Variants in GXYLT1 observed in about 807,000 individuals in gnomAD.
GXYLT1 encodes glycosyltransferase 8 domain containing 3.
A neutral mutation model predicts 54.0 loss-of-function variants in GXYLT1; 29 were observed. The observed-to-expected ratio is 0.54, with a 90% CI of 0.40 to 0.73. The LOEUF is 0.73. Ranked by LOEUF, GXYLT1 falls within the 30% of genes least tolerant of loss-of-function variation. The pLI is 0.00. For synonymous variants in GXYLT1, 176 were observed against 204.1 expected, an observed-to-expected ratio of 0.86 and a Z score of 1.17; for missense variants, 490 against 553.4, an observed-to-expected ratio of 0.89 and a Z score of 1.15.
rs147779430 is a variant in GXYLT1 at position 42,124,041 on chromosome 12, T to TA, written c.315-4871dup. 5.6e-3 allele frequency among the ~76,000 whole-genome samples: 815 copies of TA among 144,892 alleles called. 30 individuals are homozygous for TA. In the East Asian group the frequency reaches 0.08, roughly 14 times the overall value. ...TAAAACACTTTCAAAACAAAATACT[T>TA]AAAAAAAAAAGCTAGGATTTTTATA... is the stretch of plus-strand genomic sequence containing the variant. On this transcript the variant is annotated intron_variant, in intron 2 of 7. Transcript: ENST00000398675.
At position 42,105,986 on chromosome 12, in the gene GXYLT1, TA is replaced by T; in HGVS notation, c.695del (p.Leu232TyrfsTer2). ...TTTGTGTGGAATTAAATTTCTTTAGTAAAGACCAAATATCATCAACTGGTCG... is the reference window on the plus strand; with the variant it reads ...TTTGTGTGGAATTAAATTTCTTTAGTAAGACCAAATATCATCAACTGGTCG... ...FLRPVDDIWS[L>X]LKKFNSTQIA... is the part of the protein sequence containing the mutation. On this transcript the variant is annotated frameshift_variant, in exon 5 of 8. Coordinates refer to ENST00000398675, the MANE Select transcript of GXYLT1 (RefSeq NM_173601.2). LOFTEE classifies it high-confidence loss of function. The T allele has an allele frequency of 6.2e-7, 1 of 1,613,800 alleles. No individual in the cohort carries two copies. Among genetic ancestry groups the T allele is most frequent in the Non-Finnish European group, 8.5e-7 (1 of 1,179,710 alleles).
chr12:42,142,092 A>G (rs1299327401), intron 1 of GXYLT1, among the ~76,000 whole-genome samples: 1 of 152,244 alleles, frequency 6.6e-6, no homozygotes, highest in South Asian at 2.1e-4. Context: ...CAAAAATGCA[A>G]TAATACCTAA....
intron 1 of GXYLT1, among the ~76,000 whole-genome samples, chr12:42,138,257 C>T (rs1263603292): frequency 1.3e-5 from 2 of 151,916 alleles, no homozygotes; most frequent in Non-Finnish European, 1.5e-5. Context: ...ACAGAGACTG[C>T]GTCTGGGTGA....
rs1229662477 is a variant in GXYLT1 at position 42,083,070 on chromosome 12, C to A, written c.*4716G>T. 6.6e-6 allele frequency: 1 copy of A among 152,052 alleles called. No homozygotes were observed. The highest frequency in any genetic ancestry group is 2.4e-5 in the African/African-American group (1 of 41,400). 9.4% of individuals were successfully genotyped at this position (152,052 alleles called of 1,614,324 possible). On this transcript the variant is annotated 3_prime_UTR_variant, in exon 8 of 8. Coordinates refer to ENST00000398675, the MANE Select transcript of GXYLT1 (RefSeq NM_173601.2). Reference sequence around the variant, plus strand: ...GAAATGAGGTGATAATAAATATTTTCTATTTAAGTCTGACATTGATTTGCA... The same window carrying A: ...GAAATGAGGTGATAATAAATATTTTATATTTAAGTCTGACATTGATTTGCA...
At chr12:42,110,602 T>A (rs549065685) in intron 3 of GXYLT1, among the ~76,000 whole-genome samples, 3 of 152,330 alleles carry the variant, frequency 2.0e-5, no homozygotes, top group African/African-American at 7.2e-5. Context: ...TGGGCTGAAG[T>A]GCAGTAACAT....
At chr12:42,104,417 A>C (rs2065407900) in intron 5 of GXYLT1, among the ~76,000 whole-genome samples, 2 of 152,312 alleles carry the variant, frequency 1.3e-5, no homozygotes, top group Non-Finnish European at 2.9e-5. Flanking sequence ...ACAGAATAAC[A>C]AACTTGGTAA....
chr12:42,120,842 G>A (rs1186250205), intron 2 of GXYLT1, among the ~76,000 whole-genome samples: 1 of 150,468 alleles, frequency 6.6e-6, no homozygotes, highest in Non-Finnish European at 1.5e-5. Context: ...GGCCAGTTTG[G>A]GTCTTTTTAA....
In GXYLT1 at chr12:42,087,331, A is replaced by T. The variant is rs1014316942; in HGVS notation, c.*455T>A. ...CATCAGTTACATCACATTTCTTCAG[A>T]AACAACAGACCTGTTTCTGCTCCTG... On this transcript the variant is annotated 3_prime_UTR_variant, in exon 8 of 8. Transcript: ENST00000398675. 1 of 143,120 alleles carries T rather than the reference A, an allele frequency of 7.0e-6. No individual in the cohort carries two copies. The highest frequency in any genetic ancestry group is 1.5e-5 in the Non-Finnish European group (1 of 64,978). The allele number at this position is 143,120 out of a possible 1,614,324, so 8.9% of individuals were successfully genotyped here.
chr12:42,084,274 CCTTT>C lies in GXYLT1; in HGVS notation c.*3508_*3511del, dbSNP rs1292976705. The C allele has an allele frequency of 9.2e-5, 14 of 152,426 alleles. No individual in the cohort carries two copies. Among genetic ancestry groups the C allele is most frequent in the Admixed American group, 9.2e-4 (14 of 15,288 alleles). The allele number at this position is 152,426 out of a possible 1,614,324, so 9.4% of individuals were successfully genotyped here. A position where few individuals can be genotyped will look rare whatever the true frequency, so the allele number is the denominator to read the frequency against. On this transcript the variant is annotated 3_prime_UTR_variant, in exon 8 of 8. Transcript: ENST00000398675. ...GCCCTTTGCCATCCCCATTCTTACT[CCTTT>C]CTCTTTCCTCACCCCTTTTCTCACT... is the stretch of plus-strand genomic sequence containing the variant.
rs2065441917 is a variant in GXYLT1, at chr12:42,109,776, A to G, written c.487-85T>C. 5 of 864,680 alleles carry G rather than the reference A, an allele frequency of 5.8e-6. No homozygotes were observed. The Middle Eastern group carries it at 6.9e-4, about 119-fold the overall frequency. 53.6% of individuals were successfully genotyped at this position (864,680 alleles called of 1,614,324 possible). On this transcript the variant is annotated intron_variant, in intron 3 of 7. Coordinates refer to ENST00000398675, the MANE Select transcript of GXYLT1 (RefSeq NM_173601.2). ...AAAACAACAGATTATAAAACAAAAG[A>G]GCTAAAAATTAAGATAATATACATT...
Position 42,137,173 on chromosome 12 carries a change from G to A in GXYLT1, c.221+7253C>T, listed in dbSNP as rs143835692. Among the ~76,000 whole-genome samples, 58 of 152,270 alleles carry A rather than the reference G, an allele frequency of 3.8e-4. 2 individuals carry two copies. Among genetic ancestry groups the A allele is most frequent in the African/African-American group, 1.4e-3 (58 of 41,548 alleles). On this transcript the variant is annotated intron_variant, in intron 1 of 7. Coordinates refer to ENST00000398675, the MANE Select transcript of GXYLT1 (RefSeq NM_173601.2). ...ACTTACCAAAGAGTCAGTGATACGAGATGAGCCTGACCAACATGGTGAAAC... is the reference window on the plus strand; with the variant it reads ...ACTTACCAAAGAGTCAGTGATACGAAATGAGCCTGACCAACATGGTGAAAC...
At chr12:42,096,714 G>A (rs977011559) in intron 7 of GXYLT1, among the ~76,000 whole-genome samples, 48 of 152,142 alleles carry the variant, frequency 3.2e-4, no homozygotes, top group Non-Finnish European at 1.2e-4. Flanking sequence ...ATTTTAATGA[G>A]AAGCAGAATG....
intron 5 of GXYLT1, among the ~76,000 whole-genome samples, chr12:42,102,209 C>T (rs764743803): frequency 6.6e-6 from 1 of 152,110 alleles, no homozygotes; most frequent in Admixed American, 6.5e-5. Flanking sequence ...AAAATTAAAG[C>T]GCATTCACAT....
At chr12:42,092,317 A>G (rs2065333518) in intron 7 of GXYLT1, among the ~76,000 whole-genome samples, 4 of 152,246 alleles carry the variant, frequency 2.6e-5, no homozygotes, top group South Asian at 2.1e-4. Flanking sequence ...ACAGTGTAGT[A>G]GAACAGACAG....
chr12:42,105,854 C>T lies in GXYLT1; in HGVS notation c.828G>A (p.Leu276=). Residue 276 remains leucine, a synonymous_variant, in exon 5 of 8, where the codon TTG becomes TTA. Transcript: ENST00000398675. ...TCCTTCTCATTCGAGTCATGTTCAT[C>T]AACATAACTCCAGAGTTTACTCCAG... ...GKTGVNSGVM[L]MNMTRMRRKY... The T allele has an allele frequency of 6.2e-7, 1 of 1,612,114 alleles. No homozygotes were observed. Among genetic ancestry groups the T allele is most frequent in the Non-Finnish European group, 8.5e-7 (1 of 1,178,486 alleles).
intron 7 of GXYLT1, among the ~76,000 whole-genome samples, chr12:42,092,664 GC>G (rs1177915216): frequency 6.6e-6 from 1 of 152,040 alleles, no homozygotes; most frequent in East Asian, 1.9e-4. Flanking sequence ...TAAAGCAAAT[GC>G]TTAAAAGACA....
chr12:42,119,340 A>G (rs528771386), intron 2 of GXYLT1, among the ~76,000 whole-genome samples, 169 bp from the exon 3 acceptor site: 1 of 152,282 alleles, frequency 6.6e-6, no homozygotes, highest in Admixed American at 6.5e-5. Flanking sequence ...CAAGAGTTCA[A>G]TGCTGCAGTA....
At chr12:42,104,440 G>A (rs952055609) in intron 5 of GXYLT1, among the ~76,000 whole-genome samples, 2 of 151,878 alleles carry the variant, frequency 1.3e-5, no homozygotes, top group African/African-American at 4.8e-5. Flanking sequence ...AAAGAGAGAT[G>A]TTCTCTGTTA....
chr12:42,116,902 G>C (rs2065499059), intron 3 of GXYLT1, among the ~76,000 whole-genome samples: 2 of 152,094 alleles, frequency 1.3e-5, no homozygotes, highest in African/African-American at 4.8e-5. Context: ...TGATAGACTG[G>C]ATTAAGAAAA....
Sources: gnomAD v4.1 joint callset for allele counts (sites outside exome capture counted in the v4.1 genomes callset) on GRCh38, gnomAD v4.1.1 for gene constraint, MANE v1.5 for transcripts, NCBI Gene and HGNC (gene_info 2026-07-23, HGNC 2026-07-21) for gene names.